The following JKAMP variants were observed in gnomAD, a reference collection of about 807,000 sequenced individuals.
JKAMP encodes the protein JNK1/MAPK8-associated membrane protein.
JKAMP carries 20 observed loss-of-function variants against 40.2 expected under a neutral mutation model. The observed-to-expected ratio is 0.50, with a 90% CI of 0.35 to 0.72. The LOEUF (loss-of-function observed/expected upper bound fraction) is 0.72. Among genes scored for constraint, JKAMP ranks in the 30% least tolerant of loss-of-function variants. JKAMP has a pLI of 0.01. For missense variants in JKAMP, 276 were observed against 373.0 expected, an observed-to-expected ratio of 0.74 and a Z score of 2.14; for synonymous variants, 138 against 131.6, an observed-to-expected ratio of 1.05 and a Z score of -0.33.
At chr14:59,491,896 GGTA>G (rs1223932364) in intron 3 of JKAMP, among the ~76,000 whole-genome samples, 1 of 152,218 alleles carries the variant, frequency 6.6e-6, no homozygotes, top group Admixed American at 6.5e-5. Flanking sequence ...TGAAGCCTAA[GGTA>G]GTAGTGGCCA....
At chr14:59,502,755 T>TGTTTTTTTTTTTTTTGTTTTTTTGTTTTG (rs67189643) in intron 6 of JKAMP, among the ~76,000 whole-genome samples, 2 of 122,912 alleles carry the variant, frequency 1.6e-5, no homozygotes, top group African/African-American at 6.0e-5. Context: ...ATGAGATTTT[T>TGTTTTTTTTTTTTTTGTTTTTTTGTTTTG]TTTTTTTTTT....
chr14:59,488,316 C>T (rs892477857), intron 3 of JKAMP, among the ~76,000 whole-genome samples: 6 of 151,958 alleles, frequency 3.9e-5, no homozygotes, highest in African/African-American at 1.5e-4. Flanking sequence ...ACTGACATGG[C>T]TTATAGTCAT....
At chr14:59,487,301 A>T (rs995916712) in intron 2 of JKAMP, 2 of 155,226 alleles carry the variant, frequency 1.3e-5, no homozygotes, top group African/African-American at 4.8e-5. Context: ...TTTTTAAAAC[A>T]TTTAATAATT....
At chr14:59,488,431 T>G (rs193272467) in intron 3 of JKAMP, among the ~76,000 whole-genome samples, 181 of 152,228 alleles carry the variant, frequency 1.2e-3, no homozygotes, top group Admixed American at 3.0e-3. Flanking sequence ...AACAGAGAGA[T>G]AAATTATGCC....
chr14:59,494,473 T>C (rs116191548), intron 3 of JKAMP, among the ~76,000 whole-genome samples: 75 of 152,316 alleles, frequency 4.9e-4, no homozygotes, highest in Middle Eastern at 3.4e-3. Context: ...ATTAGTGTGA[T>C]ATCATTCAAA....
At chr14:59,496,273 A>G (rs1049846326) in intron 4 of JKAMP, among the ~76,000 whole-genome samples, 1 of 150,666 alleles carries the variant, frequency 6.6e-6, no homozygotes, top group African/African-American at 2.4e-5. Flanking sequence ...TAATTTATAT[A>G]TAAAATACTA....
intron 1 of JKAMP, 54 bp from the exon 2 acceptor site, chr14:59,486,659 T>G: frequency 7.9e-7 from 1 of 1,265,162 alleles, no homozygotes; most frequent in South Asian, 1.4e-5. Flanking sequence ...ATTATTGCAA[T>G]TATTTTTTAT....
intron 6 of JKAMP, among the ~76,000 whole-genome samples, chr14:59,502,362 C>A (rs1555339631): frequency 6.6e-6 from 1 of 152,164 alleles, no homozygotes; most frequent in Non-Finnish European, 1.5e-5. Flanking sequence ...TCTCAGACTA[C>A]CCATGACAGT....
At chr14:59,488,038 C>A (rs551311791) in intron 3 of JKAMP, among the ~76,000 whole-genome samples, 2 of 152,118 alleles carry the variant, frequency 1.3e-5, no homozygotes, top group East Asian at 3.8e-4. Flanking sequence ...GTCTGTTTTA[C>A]TCTCAGTGAT....
rs757676587 is a variant in JKAMP, at chr14:59,504,046, C to CTCTCAGAAGA, written c.919_920insATCTCAGAAG (p.Gly307AspfsTer14). The CTCTCAGAAGA allele has an allele frequency of 6.2e-7, 1 of 1,612,964 alleles. No individual in the cohort carries two copies. Among genetic ancestry groups the CTCTCAGAAGA allele is most frequent in the Non-Finnish European group, 8.5e-7 (1 of 1,179,034 alleles). On this transcript the variant is annotated frameshift_variant, in exon 7 of 7. Coordinates refer to ENST00000616435, the MANE Select transcript of JKAMP (RefSeq NM_016475.5). LOFTEE classifies it high-confidence loss of function. ...AAAATTTACCGAACCTTCAAGGATACTCTCAGAAGGAGCCAATGGACACTG... is the reference window on the plus strand; with the variant it reads ...AAAATTTACCGAACCTTCAAGGATACTCTCAGAAGATCTCAGAAGGAGCCAATGGACACTG...
chr14:59,495,328 T>A, intron 4 of JKAMP, 104 bp downstream of exon 4: 1 of 797,920 alleles, frequency 1.3e-6, no homozygotes, highest in Non-Finnish European at 2.1e-6. Context: ...GGGTTTGAGT[T>A]CTGGGTCTGC....
chr14:59,491,882 G>A (rs1321098006), intron 3 of JKAMP, among the ~76,000 whole-genome samples: 1 of 152,192 alleles, frequency 6.6e-6, no homozygotes, highest in Non-Finnish European at 1.5e-5. Flanking sequence ...GACCCTCAAG[G>A]GCCTGAAGCC....
At chr14:59,501,835 A>G (rs1325853893) in intron 6 of JKAMP, among the ~76,000 whole-genome samples, 2 of 152,156 alleles carry the variant, frequency 1.3e-5, no homozygotes, top group African/African-American at 2.4e-5. Flanking sequence ...TAATATTTTA[A>G]TATTTCAGTG....
Position 59,504,912 on chromosome 14 carries a change from A to AAACACATTCG in JKAMP, c.*840_*841insAACACATTCG. On this transcript the variant is annotated 3_prime_UTR_variant, in exon 7 of 7. Coordinates refer to ENST00000616435, the MANE Select transcript of JKAMP (RefSeq NM_016475.5). ...TATTAGATTTAATGAAATACAGAAGATACACAGAATAAAAAGGGTTTTCCT... is the reference window on the plus strand; with the variant it reads ...TATTAGATTTAATGAAATACAGAAGAAACACATTCGTACACAGAATAAAAAGGGTTTTCCT... 5.7e-6 allele frequency: 1 copy of AAACACATTCG among 176,866 alleles called. No homozygotes were observed. The allele number at this position is 176,866 out of a possible 1,614,324, so 11.0% of individuals were successfully genotyped here.
chr14:59,484,725 G>A (rs1400837816), intron 1 of JKAMP, 132 bp downstream of exon 1: 1 of 1,193,304 alleles, frequency 8.4e-7, no homozygotes, highest in Non-Finnish European at 1.2e-6. Context: ...GACCCCGCCC[G>A]CCCTCGGGCC....
At position 59,504,931 on chromosome 14, in the gene JKAMP, T is replaced by G; in HGVS notation, c.*859T>G. On this transcript the variant is annotated 3_prime_UTR_variant, in exon 7 of 7. Transcript: ENST00000616435. Reference sequence around the variant, plus strand: ...CAGAAGATACACAGAATAAAAAGGGTTTTCCTGTGGTTGGTTTGTGGTTTG... The same window carrying G: ...CAGAAGATACACAGAATAAAAAGGGGTTTCCTGTGGTTGGTTTGTGGTTTG... The G allele has an allele frequency of 5.0e-6, 1 of 200,120 alleles. No individual in the cohort carries two copies. The highest frequency in any genetic ancestry group is 1.0e-5 in the Non-Finnish European group (1 of 99,204). The allele number at this position is 200,120 out of a possible 1,614,324, so 12.4% of individuals were successfully genotyped here.
At chr14:59,499,750 T>TGAG (rs1205634844) in intron 5 of JKAMP, among the ~76,000 whole-genome samples, 1 of 152,110 alleles carries the variant, frequency 6.6e-6, no homozygotes, top group African/African-American at 2.4e-5. Context: ...TGGTGGGGCT[T>TGAG]GAGGGTAAGA....
chr14:59,491,542 T>C (rs1383756716), intron 3 of JKAMP, among the ~76,000 whole-genome samples: 2 of 152,216 alleles, frequency 1.3e-5, no homozygotes, highest in Admixed American at 6.5e-5. Flanking sequence ...GTAATGTGAA[T>C]GTGTGTTTAT....
chr14:59,491,661 G>A (rs571498015), intron 3 of JKAMP, among the ~76,000 whole-genome samples: 1 of 152,316 alleles, frequency 6.6e-6, no homozygotes, highest in African/African-American at 2.4e-5. Context: ...CTAAAGTCTG[G>A]GAAAGATAAA....
Sources: allele counts gnomAD v4.1 joint callset (sites outside exome capture counted in the v4.1 genomes callset), GRCh38; gene constraint gnomAD v4.1.1; transcripts MANE v1.5; gene names NCBI Gene and HGNC (gene_info 2026-07-23, HGNC 2026-07-21).